NRXN3: variants seen among roughly 807,000 people sequenced by gnomAD.
The protein encoded by NRXN3 is neurexin III.
NRXN3 carries 32 observed loss-of-function variants against 137.6 expected under a neutral mutation model. That is an observed-to-expected ratio of 0.23 (90% CI 0.18 to 0.31). The LOEUF is 0.31. Among genes scored for constraint, NRXN3 ranks in the 10% least tolerant of loss-of-function variants. The pLI, the probability that NRXN3 is intolerant of heterozygous loss-of-function variation, is 1.00. For synonymous variants in NRXN3, 798 were observed against 784.5 expected (o/e 1.02, Z -0.29); for missense variants, 1,574 against 2,062.5 (o/e 0.76, Z 4.59).
Position 78,734,253 on chromosome 14 carries a change from A to ACC in NRXN3, c.2044+19116_2044+19117dup, listed in dbSNP as rs1555462790. On this transcript the variant is annotated intron_variant, in intron 8 of 20. Transcript: ENST00000335750. ...CACACACACACACACACACACACAC[A>ACC]CCCTTTTCATCTTACTAATTCCTAT... 1.5e-3 allele frequency among the ~76,000 whole-genome samples: 168 copies of ACC among 113,686 alleles called. 2 individuals are homozygous for ACC. The highest frequency in any genetic ancestry group is 0.014 in the Middle Eastern group (3 of 212). The allele number at this position is 113,686 out of a possible 152,430, so 74.6% of individuals were successfully genotyped here. A position where few individuals can be genotyped will look rare whatever the true frequency, so the allele number is the denominator to read the frequency against.
chr14:78,508,620 T>C lies in NRXN3; in HGVS notation c.758-136500T>C, dbSNP rs192683476. 6.6e-5 allele frequency among the ~76,000 whole-genome samples: 10 copies of C among 152,290 alleles called. No individual in the cohort carries two copies. In the East Asian group the frequency reaches 1.9e-3, roughly 29 times the overall value. ...ACTGAAGTAAGTATTAAGTCTTTTA[T>C]TGAGCTTTCTAAATGGCAAAGTATA... On this transcript the variant is annotated intron_variant, in intron 4 of 20. Transcript: ENST00000335750.
intron 16 of NRXN3, among the ~76,000 whole-genome samples, chr14:79,469,999 TA>T (rs1191793349): frequency 6.6e-6 from 1 of 152,212 alleles, no homozygotes; most frequent in Non-Finnish European, 1.5e-5. Flanking sequence ...CATAAATACT[TA>T]TTAAGATACT....
intron 15 of NRXN3, among the ~76,000 whole-genome samples, chr14:79,211,511 G>GTAT (rs1211228622): frequency 6.6e-6 from 1 of 152,084 alleles, no homozygotes; most frequent in South Asian, 2.1e-4. Flanking sequence ...GCACAGTGAA[G>GTAT]TATTATTATT....
chr14:78,719,235 C>T (rs1196237860), intron 8 of NRXN3, among the ~76,000 whole-genome samples: 1 of 152,228 alleles, frequency 6.6e-6, no homozygotes, highest in African/African-American at 2.4e-5. Flanking sequence ...ATCCCAATGT[C>T]AAGAAAAATA....
intron 15 of NRXN3, among the ~76,000 whole-genome samples, chr14:79,169,137 C>T (rs1339027881): frequency 6.6e-6 from 1 of 152,078 alleles, no homozygotes; most frequent in Non-Finnish European, 1.5e-5. Flanking sequence ...TGAATTACAT[C>T]TTACACTTTG....
intron 11 of NRXN3, 77 bp downstream of exon 11, chr14:78,957,438 G>T: frequency 6.6e-7 from 1 of 1,518,164 alleles, no homozygotes; most frequent in Non-Finnish European, 8.9e-7. Context: ...ACAGTGTTTT[G>T]CAAAACCTTT....
intron 15 of NRXN3, chr14:79,201,440 G>C (rs992522603): frequency 2.6e-5 from 4 of 152,086 alleles, no homozygotes; most frequent in Non-Finnish European, 2.9e-5. Flanking sequence ...GGCCTTTTGG[G>C]CCAGGCTGTT....
At chr14:79,330,378 G>A (rs988868562) in intron 15 of NRXN3, among the ~76,000 whole-genome samples, 5 of 152,152 alleles carry the variant, frequency 3.3e-5, no homozygotes, top group Non-Finnish European at 7.4e-5. Flanking sequence ...GAAAAGATGG[G>A]AAATTTCAAG....
chr14:78,503,100 T>C (rs545932302), intron 4 of NRXN3, among the ~76,000 whole-genome samples: 12 of 152,316 alleles, frequency 7.9e-5, no homozygotes, highest in Admixed American at 5.2e-4. Flanking sequence ...TGTCTACTGA[T>C]AATTTAATAG....
chr14:79,117,084 C>T (rs2054573052), intron 15 of NRXN3, among the ~76,000 whole-genome samples: 1 of 152,178 alleles, frequency 6.6e-6, no homozygotes, highest in Non-Finnish European at 1.5e-5. Context: ...ATGCACATTT[C>T]TAACACTTGA....
At position 78,411,974 on chromosome 14, in the gene NRXN3, A is replaced by G. The variant is rs570104848; in HGVS notation, c.757+114114A>G. ...TTATCATTGCTAATGGTATTCCCTTAAGGAAGTTACTTAATCTTTCTATTT... is the reference window on the plus strand; with the variant it reads ...TTATCATTGCTAATGGTATTCCCTTGAGGAAGTTACTTAATCTTTCTATTT... On this transcript the variant is annotated intron_variant, in intron 4 of 20. Coordinates refer to ENST00000335750, the MANE Select transcript of NRXN3 (RefSeq NM_001330195.2). Among the ~76,000 whole-genome samples the G allele has an allele frequency of 6.6e-5, 10 of 152,370 alleles. No individual in the cohort carries two copies. In the East Asian group the frequency reaches 1.9e-3, roughly 29 times the overall value.
intron 16 of NRXN3, among the ~76,000 whole-genome samples, chr14:79,502,561 C>T (rs1036590852): frequency 6.6e-6 from 1 of 151,796 alleles, no homozygotes; most frequent in African/African-American, 2.4e-5. Flanking sequence ...CTCTTCCTCT[C>T]TCTCCCTCTC....
intron 10 of NRXN3, among the ~76,000 whole-genome samples, chr14:78,873,652 C>T (rs2099106612): frequency 6.6e-6 from 1 of 152,148 alleles, no homozygotes; most frequent in Non-Finnish European, 1.5e-5. Context: ...GATAAAACAG[C>T]AGCAAAAGCA....
intron 10 of NRXN3, among the ~76,000 whole-genome samples, chr14:78,930,206 A>G (rs1567734868): frequency 1.3e-5 from 2 of 152,164 alleles, no homozygotes; most frequent in African/African-American, 4.8e-5. Flanking sequence ...AGAATGAACT[A>G]AGTTTGTAAG....
At chr14:79,719,376 A>G (rs534418231) in intron 19 of NRXN3, among the ~76,000 whole-genome samples, 13 of 149,360 alleles carry the variant, frequency 8.7e-5, no homozygotes, top group East Asian at 1.9e-4. Context: ...GTATGTGTAT[A>G]TATATGTGTG....
At chr14:78,738,434 C>T (rs968405748) in intron 8 of NRXN3, among the ~76,000 whole-genome samples, 2 of 152,158 alleles carry the variant, frequency 1.3e-5, no homozygotes, top group African/African-American at 4.8e-5. Flanking sequence ...GATATGAAAG[C>T]TTTACCCTCC....
At chr14:79,325,960 A>G (rs2090796192) in intron 15 of NRXN3, among the ~76,000 whole-genome samples, 1 of 152,234 alleles carries the variant, frequency 6.6e-6, no homozygotes, top group African/African-American at 2.4e-5. Flanking sequence ...CTGGAAAGGT[A>G]GAGAGAAGGG....
chr14:79,616,576 G>T (rs1238065627), intron 16 of NRXN3, among the ~76,000 whole-genome samples: 1 of 152,078 alleles, frequency 6.6e-6, no homozygotes, highest in Non-Finnish European at 1.5e-5. Flanking sequence ...TTGTTACCTG[G>T]GTAGCAAAAT....
rs886952062 is a variant in NRXN3, at chr14:79,775,954, C to A, written c.4015-29158C>A. On this transcript the variant is annotated intron_variant, in intron 19 of 20. Transcript: ENST00000335750. ...CTATGGCATCATTGTAGTCCCACAT[C>A]CTAGCATGGAGCCTAAAAAAAAGTA... Among the ~76,000 whole-genome samples the A allele has an allele frequency of 6.6e-5, 10 of 152,114 alleles. No homozygotes were observed. The South Asian group carries it at 1.5e-3, about 22-fold the overall frequency.
Sources: gnomAD v4.1 joint callset for allele counts (sites outside exome capture counted in the v4.1 genomes callset) on GRCh38, gnomAD v4.1.1 for gene constraint, MANE v1.5 for transcripts, NCBI Gene and HGNC (gene_info 2026-07-23, HGNC 2026-07-21) for gene names.